Variants in STPG2 observed in about 807,000 individuals in gnomAD.
STPG2 encodes sperm-tail PG-rich repeat-containing protein 2.
In STPG2, 56 loss-of-function variants were observed where a neutral mutation model predicts 54.2. The observed-to-expected ratio is 1.03, with a 90% CI of 0.83 to 1.29. The LOEUF (loss-of-function observed/expected upper bound fraction) is 1.29, where lower values mean the gene tolerates loss of function less well. Among genes scored for constraint, STPG2 ranks in the 50% most tolerant of loss-of-function variants. The pLI is 0.00. For missense variants in STPG2, 596 were observed against 544.9 expected, an observed-to-expected ratio of 1.09 and a Z score of -0.93; for synonymous variants, 200 against 181.8, an observed-to-expected ratio of 1.10 and a Z score of -0.81.
chr4:97,503,631 T>G (rs1730774869), intron 4 of STPG2, among the ~76,000 whole-genome samples: 1 of 151,366 alleles, frequency 6.6e-6, no homozygotes, highest in Admixed American at 6.6e-5. Flanking sequence ...TAATTCTGAT[T>G]TTTATACTAT....
chr4:97,664,123 T>C (rs1259716193), intron 10 of STPG2, among the ~76,000 whole-genome samples: 1 of 152,192 alleles, frequency 6.6e-6, no homozygotes, highest in Non-Finnish European at 1.5e-5. Flanking sequence ...TAAGCATTAC[T>C]ATATAGCAGT....
chr4:97,506,173 G>A (rs1730840623), intron 4 of STPG2, among the ~76,000 whole-genome samples: 1 of 151,770 alleles, frequency 6.6e-6, no homozygotes, highest in East Asian at 1.9e-4. Context: ...GAGGTAATCT[G>A]TCCTACTTTA....
chr4:97,586,589 T>C (rs1161303176), intron 10 of STPG2, among the ~76,000 whole-genome samples: 1 of 151,922 alleles, frequency 6.6e-6, no homozygotes, highest in Non-Finnish European at 1.5e-5. Context: ...GAGAAAGGCA[T>C]CTTATTTATG....
intron 9 of STPG2, among the ~76,000 whole-genome samples, chr4:97,798,290 G>A (rs666705): frequency 6.6e-6 from 1 of 152,044 alleles, no homozygotes; most frequent in Admixed American, 6.6e-5. Flanking sequence ...GTCAATTTTA[G>A]ATCTTTCCTA....
intron 9 of STPG2, among the ~76,000 whole-genome samples, chr4:97,837,998 G>A (rs1239016926): frequency 6.6e-6 from 1 of 151,440 alleles, no homozygotes; most frequent in African/African-American, 2.4e-5. Flanking sequence ...TAAGTTCAAT[G>A]AGGCACAGCA....
intron 9 of STPG2, among the ~76,000 whole-genome samples, chr4:97,833,440 G>T (rs948663641): frequency 3.9e-5 from 6 of 152,226 alleles, no homozygotes; most frequent in African/African-American, 1.4e-4. Flanking sequence ...CAGGACATAG[G>T]CATGGGGAAA....
intron 4 of STPG2, among the ~76,000 whole-genome samples, chr4:97,542,715 G>A (rs151192568): frequency 0.017 from 2,651 of 152,058 alleles, 67 homozygotes; most frequent in African/African-American, 0.058. Flanking sequence ...TACTTGGAAC[G>A]AACCGAAATG....
rs143020065 is a variant in STPG2 at position 97,851,918 on chromosome 4, C to T, written c.1045-10986G>A. Among the ~76,000 whole-genome samples, 642 of 152,260 alleles carry T rather than the reference C, an allele frequency of 4.2e-3. 3 individuals carry two copies. The highest frequency in any genetic ancestry group is 0.024 in the South Asian group (116 of 4,826). On this transcript the variant is annotated intron_variant, in intron 8 of 10. Coordinates refer to ENST00000295268, the MANE Select transcript of STPG2 (RefSeq NM_174952.3). ...CTTTCTCTTCCAGCAAATGCTAATG[C>T]TACTGAGGCAGAGAATAAGCAGATT...
At chr4:97,610,451 C>T (rs1379793593) in intron 10 of STPG2, among the ~76,000 whole-genome samples, 2 of 151,918 alleles carry the variant, frequency 1.3e-5, no homozygotes, top group African/African-American at 4.8e-5. Context: ...ATTAACAGGG[C>T]TCAAAACAGA....
chr4:98,059,061 T>G (rs1330357344), intron 5 of STPG2, among the ~76,000 whole-genome samples: 1 of 151,368 alleles, frequency 6.6e-6, no homozygotes, highest in Non-Finnish European at 1.5e-5. Context: ...CAGGGCTTGT[T>G]TTTTTTGAAA....
chr4:97,444,935 G>A, intron 4 of STPG2, among the ~76,000 whole-genome samples: 1 of 152,118 alleles, frequency 6.6e-6, no homozygotes, highest in South Asian at 2.1e-4. Context: ...TACTCAGGAG[G>A]CTGAGGCAAG....
intron 5 of STPG2, among the ~76,000 whole-genome samples, chr4:98,027,722 C>T (rs972786670): frequency 2.6e-5 from 4 of 152,214 alleles, no homozygotes; most frequent in African/African-American, 7.2e-5. Flanking sequence ...CTAGGAATAA[C>T]CTGTGTGGTT....
At chr4:98,102,424 C>T (rs77139725) in intron 5 of STPG2, among the ~76,000 whole-genome samples, 5 of 152,084 alleles carry the variant, frequency 3.3e-5, no homozygotes, top group Non-Finnish European at 2.9e-5. Flanking sequence ...ATATGACCCA[C>T]GAATTCTAAA....
At chr4:97,696,005 GA>G (rs201864383) in intron 10 of STPG2, among the ~76,000 whole-genome samples, 18 of 149,846 alleles carry the variant, frequency 1.2e-4, no homozygotes, top group Admixed American at 8.6e-4. Flanking sequence ...CATAGAACTA[GA>G]AAAAAAAACC....
intron 10 of STPG2, among the ~76,000 whole-genome samples, chr4:97,648,141 G>C (rs1360005894): frequency 1.3e-5 from 2 of 152,092 alleles, no homozygotes; most frequent in Admixed American, 6.6e-5. Flanking sequence ...AAAGGCCCTG[G>C]AGTAAAGTGA....
chr4:97,888,143 C>T (rs761513983), intron 8 of STPG2, among the ~76,000 whole-genome samples: 2 of 152,176 alleles, frequency 1.3e-5, no homozygotes, highest in Non-Finnish European at 2.9e-5. Flanking sequence ...AAGGGAACCC[C>T]TACTAGGGCA....
intron 5 of STPG2, among the ~76,000 whole-genome samples, chr4:98,101,080 C>A (rs1294205745): frequency 6.6e-6 from 1 of 152,052 alleles, no homozygotes; most frequent in Non-Finnish European, 1.5e-5. Flanking sequence ...CCCTGGGATC[C>A]CACATTAAGA....
intron 9 of STPG2, among the ~76,000 whole-genome samples, chr4:97,795,303 C>G (rs1179444506): frequency 6.6e-6 from 1 of 152,230 alleles, no homozygotes; most frequent in Admixed American, 6.5e-5. Flanking sequence ...CCCAATAACT[C>G]GTCATTTACA....
At chr4:97,815,118 G>A (rs1727866432) in intron 9 of STPG2, among the ~76,000 whole-genome samples, 2 of 152,284 alleles carry the variant, frequency 1.3e-5, no homozygotes, top group Admixed American at 1.3e-4. Context: ...ATGACTAGCT[G>A]AAGTCAGCTT....
Sources: allele counts gnomAD v4.1 joint callset (sites outside exome capture counted in the v4.1 genomes callset), GRCh38; gene constraint gnomAD v4.1.1; transcripts MANE v1.5; gene names NCBI Gene and HGNC (gene_info 2026-07-23, HGNC 2026-07-21).